Variants in RBFOX1 observed in about 807,000 individuals in gnomAD.
The protein encoded by RBFOX1 is RNA binding fox-1 homolog 1, also known as RNA binding protein fox-1 homolog 1.
Under a neutral mutation model 57.7 loss-of-function variants are expected in RBFOX1, and 8 were observed. The observed-to-expected ratio is 0.14, with a 90% confidence interval of 0.08 to 0.25. RBFOX1 has a LOEUF of 0.25. Ranked by LOEUF, RBFOX1 falls within the 10% of genes least tolerant of loss-of-function variation. RBFOX1 has a pLI of 1.00. For missense variants in RBFOX1, 611 were observed against 548.5 expected, an observed-to-expected ratio of 1.11 and a Z score of -1.14; for synonymous variants, 326 against 222.4, an observed-to-expected ratio of 1.47 and a Z score of -4.15.
At chr16:6,348,289 T>C (rs28754836) in intron 2 of RBFOX1, among the ~76,000 whole-genome samples, 12,448 of 152,234 alleles carry the variant, frequency 0.082, 1,566 homozygotes, top group African/African-American at 0.27. Context: ...CCTTCTTGTC[T>C]ATTTGTCTCC....
At chr16:7,190,791 G>A (rs1385878901) in intron 4 of RBFOX1, among the ~76,000 whole-genome samples, 3 of 152,122 alleles carry the variant, frequency 2.0e-5, no homozygotes, top group South Asian at 2.1e-4. Flanking sequence ...GCTCATATTC[G>A]CCATTTCAGT....
At chr16:6,512,884 G>C (rs563640983) in intron 2 of RBFOX1, among the ~76,000 whole-genome samples, 8 of 152,174 alleles carry the variant, frequency 5.3e-5, no homozygotes, top group East Asian at 1.9e-4. Flanking sequence ...TTATTTTGAA[G>C]GTTTTTAACT....
At chr16:7,208,305 A>T (rs1254467874) in intron 4 of RBFOX1, among the ~76,000 whole-genome samples, 2 of 152,204 alleles carry the variant, frequency 1.3e-5, no homozygotes, top group African/African-American at 4.8e-5. Flanking sequence ...AGTTTGTCTT[A>T]GTTCACTTGT....
At chr16:6,269,526 C>G (rs1470282505) in intron 1 of RBFOX1, among the ~76,000 whole-genome samples, 3 of 152,042 alleles carry the variant, frequency 2.0e-5, no homozygotes, top group African/African-American at 7.3e-5. Flanking sequence ...GGAGGAAACC[C>G]ATTTGAAAGA....
intron 4 of RBFOX1, among the ~76,000 whole-genome samples, chr16:7,334,588 G>T (rs930795908): frequency 6.6e-6 from 1 of 152,132 alleles, no homozygotes; most frequent in Non-Finnish European, 1.5e-5. Flanking sequence ...ATTAAGTGCC[G>T]GTGTAGGAAA....
chr16:7,277,583 A>G (rs1256627155), intron 4 of RBFOX1, among the ~76,000 whole-genome samples: 1 of 152,154 alleles, frequency 6.6e-6, no homozygotes, highest in African/African-American at 2.4e-5. Context: ...CTAGATCTTC[A>G]TAAAATACAG....
intron 4 of RBFOX1, among the ~76,000 whole-genome samples, chr16:7,452,073 C>G (rs962899323): frequency 3.3e-5 from 5 of 152,158 alleles, no homozygotes; most frequent in African/African-American, 1.2e-4. Flanking sequence ...CAATTGGATA[C>G]TAAGGAATGA....
intron 2 of RBFOX1, among the ~76,000 whole-genome samples, chr16:5,504,298 A>G (rs1249168731): frequency 6.6e-6 from 1 of 152,180 alleles, no homozygotes. Context: ...ACAGCTGCCA[A>G]CTTTGAGGCA....
intron 4 of RBFOX1, among the ~76,000 whole-genome samples, chr16:7,156,409 G>A (rs1005575046): frequency 4.0e-5 from 6 of 151,816 alleles, no homozygotes; most frequent in African/African-American, 1.5e-4. Context: ...GTACATATAT[G>A]TGTGCGTATA....
chr16:6,726,006 T>C (rs571743961), intron 3 of RBFOX1, among the ~76,000 whole-genome samples: 1 of 152,304 alleles, frequency 6.6e-6, no homozygotes, highest in Non-Finnish European at 1.5e-5. Flanking sequence ...CCTTTCAGCA[T>C]TGCAAATCAC....
chr16:6,396,481 C>G (rs76590764), intron 2 of RBFOX1, among the ~76,000 whole-genome samples: 5,717 of 152,246 alleles, frequency 0.038, 348 homozygotes, highest in African/African-American at 0.13. Context: ...AATCTACACA[C>G]ATTCTGGTGG....
chr16:5,379,561 G>T (rs1462654891), intron 1 of RBFOX1, among the ~76,000 whole-genome samples: 1 of 152,136 alleles, frequency 6.6e-6, no homozygotes, highest in East Asian at 1.9e-4. Context: ...AGGTGTCAGG[G>T]GACTAGAGCC....
At chr16:6,612,185 A>C (rs992743776) in intron 2 of RBFOX1, among the ~76,000 whole-genome samples, 1 of 152,112 alleles carries the variant, frequency 6.6e-6, no homozygotes, top group African/African-American at 2.4e-5. Flanking sequence ...ATTTTGAAGG[A>C]ATTTTAGACT....
intron 3 of RBFOX1, among the ~76,000 whole-genome samples, chr16:6,821,444 G>A (rs1050865755): frequency 6.6e-6 from 1 of 152,138 alleles, no homozygotes; most frequent in African/African-American, 2.4e-5. Context: ...GAACAATTCA[G>A]TGGCACATAG....
chr16:5,477,251 A>AT (rs201959895), intron 2 of RBFOX1, among the ~76,000 whole-genome samples: 1 of 151,916 alleles, frequency 6.6e-6, no homozygotes, highest in Non-Finnish European at 1.5e-5. Context: ...TGGTGCCTGT[A>AT]TTTTTTTTCC....
intron 4 of RBFOX1, among the ~76,000 whole-genome samples, chr16:7,151,413 G>A (rs1213877565): frequency 3.3e-5 from 5 of 152,096 alleles, no homozygotes; most frequent in African/African-American, 9.7e-5. Flanking sequence ...GGGTAAAGGG[G>A]TTAAACTAAT....
chr16:6,834,725 C>T (rs926795579), intron 3 of RBFOX1, among the ~76,000 whole-genome samples: 3 of 152,050 alleles, frequency 2.0e-5, no homozygotes, highest in Admixed American at 6.6e-5. Context: ...GTTAAGCGTC[C>T]TCTCTGACCT....
chr16:6,915,000 C>T (rs1186969725), intron 3 of RBFOX1, among the ~76,000 whole-genome samples: 1 of 152,202 alleles, frequency 6.6e-6, no homozygotes, highest in East Asian at 1.9e-4. Context: ...TGCCAGGCAG[C>T]AAGCAGGCCC....
At chr16:5,504,591 G>A (rs2043313738) in intron 2 of RBFOX1, among the ~76,000 whole-genome samples, 1 of 152,200 alleles carries the variant, frequency 6.6e-6, no homozygotes, top group Non-Finnish European at 1.5e-5. Flanking sequence ...TCATCAAAGG[G>A]GAGGGCCCGG....
Sources: gnomAD v4.1 joint callset for allele counts (sites outside exome capture counted in the v4.1 genomes callset) on GRCh38, gnomAD v4.1.1 for gene constraint, MANE v1.5 for transcripts, NCBI Gene and HGNC (gene_info 2026-07-23, HGNC 2026-07-21) for gene names.